STRADA: variants seen among roughly 807,000 people sequenced by gnomAD.
STRADA encodes the protein STE20-related kinase adapter protein alpha.
In STRADA, 26 loss-of-function variants were observed where a neutral mutation model predicts 55.0. The ratio of observed to expected loss-of-function variants is 0.47; its 90% CI spans 0.35 to 0.66. The LOEUF (loss-of-function observed/expected upper bound fraction) is 0.66, where lower values mean the gene tolerates loss of function less well. Among genes scored for constraint, STRADA ranks in the 30% least tolerant of loss-of-function variants. The probability of loss-of-function intolerance (pLI) is 0.01; values close to 1 mark genes in which losing one functional copy is unlikely to be tolerated. For missense variants in STRADA, 443 were observed against 549.7 expected, an observed-to-expected ratio of 0.81 and a Z score of 1.94; for synonymous variants, 197 against 210.9, an observed-to-expected ratio of 0.93 and a Z score of 0.57.
chr17:63,708,674 A>G (rs1369208473), intron 8 of STRADA, among the ~76,000 whole-genome samples: 1 of 152,086 alleles, frequency 6.6e-6, no homozygotes. Flanking sequence ...AGCTGGGATT[A>G]CAGGCACCTG....
intron 11 of STRADA, 129 bp from the exon 12 acceptor site, chr17:63,704,176 A>G: frequency 6.6e-7 from 1 of 1,521,318 alleles, no homozygotes; most frequent in African/African-American, 1.4e-5. Context: ...CAGTGGCCAG[A>G]GCTCCCCAGG....
intron 6 of STRADA, 121 bp from the exon 7 acceptor site, chr17:63,710,957 G>T: frequency 2.3e-6 from 2 of 868,932 alleles, no homozygotes; most frequent in Non-Finnish European, 3.6e-6. Context: ...TCAGAGTCAT[G>T]GGAACAGCCT....
At chr17:63,741,211 A>C (rs1406474182) in intron 1 of STRADA, 1 of 152,092 alleles carries the variant, frequency 6.6e-6, no homozygotes, top group Non-Finnish European at 1.5e-5. Flanking sequence ...CCCAACCCCC[A>C]TCTCCGGCGC....
rs2035936877 is a variant in STRADA at position 63,704,446 on chromosome 17, G to T, written c.995C>A (p.Pro332His). 1.2e-6 allele frequency: 2 copies of T among 1,612,734 alleles called. No individual in the cohort carries two copies. The highest frequency in any genetic ancestry group is 1.3e-5 in the African/African-American group (1 of 74,840). ...GLSDSLTTST[P>H]RPSNGDSPSH... is the part of the protein sequence containing the mutation. ...GGGCGAGTCACCGTTGGAGGGCCGGGGGGTGCTGGTGGTCAGGCTGTCACT... is the reference window on the plus strand; with the variant it reads ...GGGCGAGTCACCGTTGGAGGGCCGGTGGGTGCTGGTGGTCAGGCTGTCACT... The change falls in exon 11 of 13, where the codon CCC (proline) becomes CAC (histidine). Residue 332 changes from proline to histidine, a missense_variant. Physicochemically the swap from Pro to His is moderately conservative, Grantham distance 77. Coordinates refer to ENST00000336174, the MANE Select transcript of STRADA (RefSeq NM_001003787.4).
rs570445786 is a variant in STRADA, at chr17:63,703,075, C to G, written c.*524G>C. The G allele has an allele frequency of 6.3e-6, 1 of 158,260 alleles. No homozygotes were observed. The highest frequency in any genetic ancestry group is 2.4e-5 in the African/African-American group (1 of 41,532). 9.8% of individuals were successfully genotyped at this position (158,260 alleles called of 1,614,324 possible). ...AGGGATAAGGATGGACTGTTCCAGCCTTAGTCTGTGCTTAAAAAGACAGAA... is the reference window on the plus strand; with the variant it reads ...AGGGATAAGGATGGACTGTTCCAGCGTTAGTCTGTGCTTAAAAAGACAGAA... On this transcript the variant is annotated 3_prime_UTR_variant, in exon 13 of 13. Transcript: ENST00000336174.
rs750512077 is a variant in STRADA, at chr17:63,707,356, C to T, written c.644G>A (p.Arg215His). Residue 215 changes from arginine (R) to histidine (H), a missense_variant, in exon 9 of 13, where the codon CGC becomes CAC. By Grantham distance (29) the Arg-to-His change is conservative. Transcript: ENST00000336174. ...ATGGCTTATCATGCTGAGGTTGCTG[C>T]GCAAACCAGACAGGTAGACCTTCCC... ...VDGKVYLSGL[R>H]SNLSMISHGQ... The T allele has an allele frequency of 6.2e-6, 10 of 1,614,004 alleles. No individual in the cohort carries two copies. Among genetic ancestry groups the T allele is most frequent in the Admixed American group, 1.7e-5 (1 of 59,994 alleles).
intron 6 of STRADA, 104 bp downstream of exon 6, chr17:63,713,302 C>T (rs1039376151): frequency 5.7e-5 from 85 of 1,491,188 alleles, no homozygotes; most frequent in Non-Finnish European, 7.2e-5. Context: ...GCTTCCATAA[C>T]TTCCGAACGT....
intron 4 of STRADA, among the ~76,000 whole-genome samples, chr17:63,716,058 G>A (rs936514169): frequency 1.7e-4 from 26 of 150,732 alleles, no homozygotes; most frequent in African/African-American, 6.1e-4. Flanking sequence ...TTCCAAAATG[G>A]TTATACCAAT....
In STRADA at chr17:63,710,766, T is replaced by C. The variant is rs759399279; in HGVS notation, c.419A>G (p.Asp140Gly). 6.2e-7 allele frequency: 1 copy of C among 1,614,244 alleles called. No homozygotes were observed. Among genetic ancestry groups the C allele is most frequent in the Non-Finnish European group, 8.5e-7 (1 of 1,180,038 alleles). ...TGATGTGACAACCCACAGCTCATTG[T>C]CTGCAATAAAAGTGGCTCGATATGG... ...IVPYRATFIA[D>G]NELWVVTSFM... Residue 140 changes from aspartate to glycine, a missense_variant, in exon 7 of 13, where the codon GAC becomes GGC. By Grantham distance (94) the Asp-to-Gly change is moderately conservative. Transcript: ENST00000336174.
intron 8 of STRADA, among the ~76,000 whole-genome samples, chr17:63,709,562 ATCT>A (rs573140941): frequency 9.3e-4 from 142 of 152,304 alleles, no homozygotes; most frequent in South Asian, 1.7e-3. Flanking sequence ...TTGGATAGAA[ATCT>A]TCTTGATCTA....
At position 63,703,518 on chromosome 17, in the gene STRADA, G is replaced by T; in HGVS notation, c.*81C>A. The T allele has an allele frequency of 7.4e-7, 1 of 1,344,088 alleles. No homozygotes were observed. The highest frequency in any genetic ancestry group is 1.0e-6 in the Non-Finnish European group (1 of 978,496). 83.3% of individuals were successfully genotyped at this position (1,344,088 alleles called of 1,614,324 possible). On this transcript the variant is annotated 3_prime_UTR_variant, in exon 13 of 13. Coordinates refer to ENST00000336174, the MANE Select transcript of STRADA (RefSeq NM_001003787.4). Reference sequence around the variant, plus strand: ...TTCTACCCAATCTGCCCAGGAGGGCGGGAATGTGGCCGGCCCTCAGGAAGG... The same window carrying T: ...TTCTACCCAATCTGCCCAGGAGGGCTGGAATGTGGCCGGCCCTCAGGAAGG...
Position 63,704,326 on chromosome 17 carries a change from G to A in STRADA, c.1100+15C>T, listed in dbSNP as rs1383749319. On this transcript the variant is annotated intron_variant, in intron 11 of 12. Transcript: ENST00000336174. ...TCTGCTCTCCCGAAGCCCAGGCCCAGGCCAGCAGGGATACCTGGCATCCGG... is the reference window on the plus strand; with the variant it reads ...TCTGCTCTCCCGAAGCCCAGGCCCAAGCCAGCAGGGATACCTGGCATCCGG... 1 of 1,611,716 alleles carries A rather than the reference G, an allele frequency of 6.2e-7. No homozygotes were observed. The highest frequency in any genetic ancestry group is 1.7e-5 in the Admixed American group (1 of 59,768).
In STRADA at chr17:63,740,105, T is replaced by TATATATATATATATATATATAC. The variant is rs1354662253; in HGVS notation, c.-45+1635_-45+1636insGTATATATATATATATATATAT. Among the ~76,000 whole-genome samples the TATATATATATATATATATATAC allele has an allele frequency of 3.7e-4, 21 of 56,658 alleles. 2 individuals are homozygous for TATATATATATATATATATATAC. The South Asian group carries it at 5.3e-3, about 14-fold the overall frequency. 37.2% of individuals were successfully genotyped at this position (56,658 alleles called of 152,430 possible). ...TTAACACTATATATATATATATATA[T>TATATATATATATATATATATAC]ATACATACATACATATATATATACA... On this transcript the variant is annotated intron_variant, in intron 1 of 12. Coordinates refer to ENST00000336174, the MANE Select transcript of STRADA (RefSeq NM_001003787.4).
chr17:63,716,541 C>T lies in STRADA; in HGVS notation c.124-2433G>A, dbSNP rs1294096867. Among the ~76,000 whole-genome samples the T allele has an allele frequency of 3.9e-5, 6 of 152,188 alleles. No individual in the cohort carries two copies. The East Asian group carries it at 5.8e-4, about 15-fold the overall frequency. On this transcript the variant is annotated intron_variant, in intron 4 of 12. Transcript: ENST00000336174. ...TTCATATATTTATCAGTCATGTGAG[C>T]GTTCTCCAAGGTGAAAATGCCTCTT...
intron 1 of STRADA, among the ~76,000 whole-genome samples, chr17:63,733,631 C>A (rs140644652): frequency 1.1e-4 from 17 of 152,336 alleles, no homozygotes; most frequent in African/African-American, 3.8e-4. Flanking sequence ...TAGCCACTGG[C>A]TGGCATTGGG....
intron 1 of STRADA, among the ~76,000 whole-genome samples, chr17:63,736,541 T>C (rs2038436820): frequency 6.6e-6 from 1 of 151,494 alleles, no homozygotes; most frequent in Non-Finnish European, 1.5e-5. Flanking sequence ...GGCAGGAGAA[T>C]TGCTTGAACT....
chr17:63,740,127 T>TACAC (rs1555712244), intron 1 of STRADA, among the ~76,000 whole-genome samples: 26 of 53,156 alleles, frequency 4.9e-4, no homozygotes, highest in African/African-American at 1.8e-3. Flanking sequence ...CATATATATA[T>TACAC]ACACATACAT....
At chr17:63,710,643 G>A (rs755582100) in intron 7 of STRADA, 29 bp from the exon 8 acceptor site, 16 of 1,613,992 alleles carry the variant, frequency 9.9e-6, no homozygotes, top group Non-Finnish European at 1.3e-5. Context: ...TGGAGGCAGT[G>A]AAAGGTAATG....
In STRADA at chr17:63,704,390, G is replaced by A. The variant is rs376896311; in HGVS notation, c.1051C>T (p.His351Tyr). ...CACTGCTCCACAAAGTGGTGGAAGTGGGGGGAGAAGGTTCGGTGGTAGGGG... is the reference window on the plus strand; with the variant it reads ...CACTGCTCCACAAAGTGGTGGAAGTAGGGGGAGAAGGTTCGGTGGTAGGGG... Reference protein sequence around the residue: ...SHPYHRTFSPHFHHFVEQCLQ... With the variant: ...SHPYHRTFSPYFHHFVEQCLQ... The change falls in exon 11 of 13, where the codon CAC becomes TAC. Residue 351 changes from histidine (H) to tyrosine (Y), a missense_variant. Coordinates refer to ENST00000336174, the MANE Select transcript of STRADA (RefSeq NM_001003787.4). 28 of 1,612,554 alleles carry A rather than the reference G, an allele frequency of 1.7e-5. No individual in the cohort carries two copies. Among genetic ancestry groups the A allele is most frequent in the Admixed American group, 5.0e-5 (3 of 59,838 alleles).
Sources: allele counts gnomAD v4.1 joint callset (sites outside exome capture counted in the v4.1 genomes callset), GRCh38; gene constraint gnomAD v4.1.1; transcripts MANE v1.5; gene names NCBI Gene and HGNC (gene_info 2026-07-23, HGNC 2026-07-21).